GBP4: variants seen among roughly 807,000 people sequenced by gnomAD.
GBP4 encodes guanylate binding protein 4.
Under a neutral mutation model 62.2 loss-of-function variants are expected in GBP4, and 69 were observed. The observed-to-expected ratio is 1.11, with a 90% confidence interval of 0.91 to 1.36. The LOEUF (loss-of-function observed/expected upper bound fraction) is 1.36, where lower values mean the gene tolerates loss of function less well. Among genes scored for constraint, GBP4 ranks in the 40% most tolerant of loss-of-function variants. The pLI, the probability that GBP4 is intolerant of heterozygous loss-of-function variation, is 0.00. For synonymous variants in GBP4, 278 were observed against 274.6 expected, an observed-to-expected ratio of 1.01 and a Z score of -0.12; for missense variants, 697 against 759.3, an observed-to-expected ratio of 0.92 and a Z score of 0.96.
At chr1:89,194,237 A>AG (rs1428805893) in intron 3 of GBP4, among the ~76,000 whole-genome samples, 1 of 152,148 alleles carries the variant, frequency 6.6e-6, no homozygotes, top group Non-Finnish European at 1.5e-5. Flanking sequence ...GTGGAAGAGG[A>AG]GGCTGGAAAC....
At position 89,189,379 on chromosome 1, in the gene GBP4, A is replaced by G. The variant is rs10922589; in HGVS notation, c.1198-585T>C. On this transcript the variant is annotated intron_variant, in intron 7 of 10. Coordinates refer to ENST00000355754, the MANE Select transcript of GBP4 (RefSeq NM_052941.5). ...AGGTCAGTCTGAGACAGACTGAAAG[A>G]CAAACTTTCAGTAAACATGCCTATG... Among the ~76,000 whole-genome samples, 896 of 152,348 alleles carry G rather than the reference A, an allele frequency of 5.9e-3. 11 individuals carry two copies. The highest frequency in any genetic ancestry group is 0.02 in the African/African-American group (842 of 41,584).
In GBP4 at chr1:89,185,150, T is replaced by C; in HGVS notation, c.*104A>G. ...TTTTTAATTTTAAACTTTTCTTGAA[T>C]GAAACTGCTATAACACATATACTTA... On this transcript the variant is annotated 3_prime_UTR_variant, in exon 11 of 11. Transcript: ENST00000355754. 1.6e-6 allele frequency: 1 copy of C among 634,552 alleles called. No individual in the cohort carries two copies. Among genetic ancestry groups the C allele is most frequent in the Non-Finnish European group, 2.6e-6 (1 of 379,194 alleles). 39.3% of individuals were successfully genotyped at this position (634,552 alleles called of 1,614,324 possible). A position where few individuals can be genotyped will look rare whatever the true frequency, so the allele number is the denominator to read the frequency against.
At position 89,196,915 on chromosome 1, in the gene GBP4, T is replaced by C. The variant is rs180941326; in HGVS notation, c.235+195A>G. On this transcript the variant is annotated intron_variant, in intron 2 of 10. Coordinates refer to ENST00000355754, the MANE Select transcript of GBP4 (RefSeq NM_052941.5). ...AAGACCCATGGAACGGATCTTTCGA[T>C]AGGGTTGAGATGATTCTTTACTATT... Among the ~76,000 whole-genome samples the C allele has an allele frequency of 5.9e-5, 9 of 152,300 alleles. No individual in the cohort carries two copies. In the East Asian group the frequency reaches 1.7e-3, roughly 29 times the overall value.
chr1:89,190,277 T>A lies in GBP4; in HGVS notation c.958A>T (p.Ser320Cys). Reference protein sequence around the residue: ...LVVTYVDAINSGAVPCLENAV... With the variant: ...LVVTYVDAINCGAVPCLENAV... Reference sequence around the variant, plus strand: ...TTCTCCAGACAAGGTACTGCTCCACTGTTGATGGCATCTACATAAGTCACC... The same window carrying A: ...TTCTCCAGACAAGGTACTGCTCCACAGTTGATGGCATCTACATAAGTCACC... The change falls in exon 7 of 11, where the codon AGT becomes TGT. Residue 320 changes from serine (S) to cysteine (C), a missense_variant. By Grantham distance (112) the Ser-to-Cys change is moderately radical. This residue lies in a region of GBP4 where 556 missense variants were observed against 562.7 expected (regional missense o/e 0.99). Coordinates refer to ENST00000355754, the MANE Select transcript of GBP4 (RefSeq NM_052941.5). The A allele has an allele frequency of 6.2e-7, 1 of 1,613,862 alleles. No individual in the cohort carries two copies. Among genetic ancestry groups the A allele is most frequent in the Non-Finnish European group, 8.5e-7 (1 of 1,179,766 alleles).
At chr1:89,189,387 T>C (rs1455740044) in intron 7 of GBP4, among the ~76,000 whole-genome samples, 2 of 152,220 alleles carry the variant, frequency 1.3e-5, no homozygotes, top group Non-Finnish European at 2.9e-5. Flanking sequence ...AGACAAACTT[T>C]CAGTAAACAT....
chr1:89,190,286 C>T lies in GBP4; in HGVS notation c.949G>A (p.Ala317Thr). ...LGTLVVTYVD[A>T]INSGAVPCLE... The stretch of plus-strand genomic sequence containing the variant: ...CAAGGTACTGCTCCACTGTTGATGG[C>T]ATCTACATAAGTCACCACCAGAGTC... The change falls in exon 7 of 11, where the codon GCC (alanine) becomes ACC (threonine). Residue 317 changes from alanine to threonine, a missense_variant. By Grantham distance (58) the Ala-to-Thr change is moderately conservative. Coordinates refer to ENST00000355754, the MANE Select transcript of GBP4 (RefSeq NM_052941.5). 6.2e-7 allele frequency: 1 copy of T among 1,613,276 alleles called. No homozygotes were observed. The highest frequency in any genetic ancestry group is 8.5e-7 in the Non-Finnish European group (1 of 1,179,350).
intron 10 of GBP4, among the ~76,000 whole-genome samples, chr1:89,185,905 G>C (rs1324595033): frequency 1.3e-5 from 2 of 152,214 alleles, no homozygotes; most frequent in African/African-American, 4.8e-5. Flanking sequence ...GAATCAGGCA[G>C]ATACAGAAAC....
At chr1:89,194,107 A>T (rs1648264277) in intron 3 of GBP4, among the ~76,000 whole-genome samples, 1 of 152,192 alleles carries the variant, frequency 6.6e-6, no homozygotes, top group Non-Finnish European at 1.5e-5. Context: ...GTGAAGAAGG[A>T]CGGATAAAGC....
At chr1:89,193,174 C>G in intron 4 of GBP4, 74 bp from the exon 5 acceptor site, 1 of 1,550,272 alleles carries the variant, frequency 6.5e-7, no homozygotes, top group Non-Finnish European at 8.9e-7. Flanking sequence ...AAGTTTTATA[C>G]ACGTTCCCTT....
intron 3 of GBP4, among the ~76,000 whole-genome samples, chr1:89,194,519 T>C (rs966406993): frequency 2.6e-5 from 4 of 152,224 alleles, no homozygotes; most frequent in African/African-American, 4.8e-5. Flanking sequence ...AAGTTGGTGC[T>C]TCCTTCCCTC....
chr1:89,188,495 G>A, intron 8 of GBP4, 87 bp downstream of exon 8: 1 of 1,032,406 alleles, frequency 9.7e-7, no homozygotes, highest in Admixed American at 1.9e-5. Flanking sequence ...CTCCACAAAT[G>A]GTGCTATATT....
At chr1:89,189,678 TG>T (rs1427520924) in intron 7 of GBP4, among the ~76,000 whole-genome samples, 1 of 152,238 alleles carries the variant, frequency 6.6e-6, no homozygotes, top group African/African-American at 2.4e-5. Context: ...TGAAGATGGA[TG>T]GGTTTACCCA....
rs1279643536 is a variant in GBP4, at chr1:89,183,186, TTAG to T, written c.*2065_*2067del. On this transcript the variant is annotated 3_prime_UTR_variant, in exon 11 of 11. Transcript: ENST00000355754. ...CTACAGTAACCAAAACAGCATGGTA[TTAG>T]TAGAAAAACAGACACACAGATAAAT... The T allele has an allele frequency of 6.6e-6, 1 of 152,112 alleles. No individual in the cohort carries two copies. Among genetic ancestry groups the T allele is most frequent in the East Asian group, 1.9e-4 (1 of 5,190 alleles). The allele number at this position is 152,112 out of a possible 1,614,324, so 9.4% of individuals were successfully genotyped here.
chr1:89,190,069 T>C lies in GBP4; in HGVS notation c.1166A>G (p.Asp389Gly). 1 of 1,612,220 alleles carries C rather than the reference T, an allele frequency of 6.2e-7. No homozygotes were observed. Among genetic ancestry groups the C allele is most frequent in the Non-Finnish European group, 8.5e-7 (1 of 1,178,554 alleles). Residue 389 changes from aspartate (D) to glycine (G), a missense_variant, in exon 7 of 11, where the codon GAT (aspartate) becomes GGT (glycine). Around this residue, in one of 2 missense-constraint regions of GBP4, gnomAD observed 556 missense variants for 562.7 expected, o/e 0.99. Coordinates refer to ENST00000355754, the MANE Select transcript of GBP4 (RefSeq NM_052941.5). ...CTTCTTCTGGAATTCATGGTTTTCA[T>C]CCTTGAAGGAGTGCTCCATGAAGAC... The part of the protein sequence containing the change: ...IAVFMEHSFK[D>G]ENHEFQKKLV...
rs781155764 is a variant in GBP4 at position 89,190,026 on chromosome 1, T to C, written c.1197+12A>G. 6.3e-7 allele frequency: 1 copy of C among 1,598,832 alleles called. No individual in the cohort carries two copies. Among genetic ancestry groups the C allele is most frequent in the African/African-American group, 1.3e-5 (1 of 74,532 alleles). On this transcript the variant is annotated intron_variant, in intron 7 of 10. Coordinates refer to ENST00000355754, the MANE Select transcript of GBP4 (RefSeq NM_052941.5). ...AAGGGCAGAAATCAGGAAGGATAAA[T>C]GCTAAAAGTACCACAAGCTTCTTCT...
rs397790583 is a variant in GBP4, at chr1:89,182,481, A to AT, written c.*2772dup. The AT allele has an allele frequency of 0.67, 88,286 of 131,288 alleles. 30,081 individuals are homozygous for AT. Among genetic ancestry groups the AT allele is most frequent in the East Asian group, 0.78 (3,534 of 4,504 alleles). 8.1% of individuals were successfully genotyped at this position (131,288 alleles called of 1,614,324 possible). A position where few individuals can be genotyped will look rare whatever the true frequency, so the allele number is the denominator to read the frequency against. On this transcript the variant is annotated 3_prime_UTR_variant, in exon 11 of 11. Transcript: ENST00000355754. ...ACATCGGTTTCTAAGTTATGAGTTGATTTTTTTTTTTTTTTTTTGAGACGG... is the reference window on the plus strand; with the variant it reads ...ACATCGGTTTCTAAGTTATGAGTTGATTTTTTTTTTTTTTTTTTTGAGACGG...
At chr1:89,195,261 AG>A in intron 3 of GBP4, 35 bp downstream of exon 3, 2 of 1,606,410 alleles carry the variant, frequency 1.2e-6, no homozygotes, top group South Asian at 2.2e-5. Context: ...AAAAGATGAG[AG>A]GTCAACCATG....
chr1:89,198,362 T>C (rs762905801), intron 1 of GBP4, among the ~76,000 whole-genome samples: 31 of 152,108 alleles, frequency 2.0e-4, no homozygotes, highest in Non-Finnish European at 4.1e-4. Flanking sequence ...AGATGCAGAC[T>C]GTCTGGCTCT....
At position 89,195,522 on chromosome 1, in the gene GBP4, A is replaced by C. The variant is rs982671335; in HGVS notation, c.236-98T>G. ...ACTTGTAGGAATGTTTAAGTGGCTG[A>C]CAGGGGAAAAGGGTTGTTTCCATCT... is the stretch of plus-strand genomic sequence containing the variant. On this transcript the variant is annotated intron_variant, in intron 2 of 10. Coordinates refer to ENST00000355754, the MANE Select transcript of GBP4 (RefSeq NM_052941.5). The C allele has an allele frequency of 5.2e-5, 75 of 1,433,010 alleles. No homozygotes were observed. In the East Asian group the frequency reaches 1.7e-3, roughly 32 times the overall value. 88.8% of individuals were successfully genotyped at this position (1,433,010 alleles called of 1,614,324 possible). A position where few individuals can be genotyped will look rare whatever the true frequency, so the allele number is the denominator to read the frequency against.
Sources: gnomAD v4.1 joint callset for allele counts (sites outside exome capture counted in the v4.1 genomes callset) on GRCh38, gnomAD v4.1.1 for gene constraint, gnomAD v4.1.1 regional missense constraint, MANE v1.5 for transcripts, NCBI Gene and HGNC (gene_info 2026-07-23, HGNC 2026-07-21) for gene names.